CEP128: variants seen among roughly 807,000 people sequenced by gnomAD.
The protein encoded by CEP128 is centrosomal protein 128.
A neutral mutation model predicts 156.7 loss-of-function variants in CEP128; 132 were observed. The observed-to-expected ratio is 0.84, with a 90% CI of 0.73 to 0.97. The LOEUF is 0.97. Among genes scored for constraint, CEP128 ranks in the 50% least tolerant of loss-of-function variants. CEP128 has a pLI of 0.00. For synonymous variants in CEP128, 469 were observed against 448.9 expected (o/e 1.04, Z -0.57); for missense variants, 1,252 against 1,281.9 (o/e 0.98, Z 0.36).
chr14:80,727,120 T>C, intron 19 of CEP128, among the ~76,000 whole-genome samples: 1 of 152,132 alleles, frequency 6.6e-6, no homozygotes, highest in East Asian at 1.9e-4. Flanking sequence ...TTCTGATTGC[T>C]TTACACAGAG....
At chr14:80,612,504 G>T (rs1210879939) in intron 19 of CEP128, among the ~76,000 whole-genome samples, 1 of 152,136 alleles carries the variant, frequency 6.6e-6, no homozygotes, top group Non-Finnish European at 1.5e-5. Context: ...AAAGTGCCAT[G>T]AATTTTCCAT....
Position 80,710,255 on chromosome 14 carries a change from G to T in CEP128, c.2806+32820C>A, listed in dbSNP as rs926873970. On this transcript the variant is annotated intron_variant, in intron 19 of 24. Transcript: ENST00000555265. Reference sequence around the variant, plus strand: ...TTCACATCTCCCTCACTAGATATATGTTACTAGATAAGAGATCTTATTGAC... The same window carrying T: ...TTCACATCTCCCTCACTAGATATATTTTACTAGATAAGAGATCTTATTGAC... Among the ~76,000 whole-genome samples, 10 of 152,080 alleles carry T rather than the reference G, an allele frequency of 6.6e-5. No individual in the cohort carries two copies. In the East Asian group the frequency reaches 1.7e-3, roughly 26 times the overall value.
chr14:80,672,934 T>A (rs1401277409), intron 19 of CEP128, among the ~76,000 whole-genome samples: 1 of 152,224 alleles, frequency 6.6e-6, no homozygotes, highest in Admixed American at 6.5e-5. Flanking sequence ...TCCAATCTTT[T>A]TATAAAAATA....
chr14:80,700,284 C>T lies in CEP128; in HGVS notation c.2806+42791G>A, dbSNP rs372557361. On this transcript the variant is annotated intron_variant, in intron 19 of 24. Coordinates refer to ENST00000555265, the MANE Select transcript of CEP128 (RefSeq NM_152446.5). ...CCCTACTCTGTAATGAGTCCCATAT[C>T]TCCATATTTACTCACTCAGATGCAA... Among the ~76,000 whole-genome samples the T allele has an allele frequency of 2.3e-4, 35 of 152,160 alleles. 4 individuals carry two copies. Among genetic ancestry groups the T allele is most frequent in the Admixed American group, 9.2e-4 (14 of 15,288 alleles).
chr14:80,905,066 A>G, intron 5 of CEP128, 135 bp from the exon 6 acceptor site: 1 of 588,040 alleles, frequency 1.7e-6, no homozygotes. Context: ...TTTCCCAAGT[A>G]TCTTGCTATG....
chr14:80,693,037 T>C (rs1051507117), intron 19 of CEP128, among the ~76,000 whole-genome samples: 2 of 152,180 alleles, frequency 1.3e-5, no homozygotes, highest in East Asian at 1.9e-4. Context: ...TCTACATTTC[T>C]AAAAAGCTCT....
intron 2 of CEP128, among the ~76,000 whole-genome samples, chr14:80,933,828 G>A (rs1289859940): frequency 6.6e-6 from 1 of 152,174 alleles, no homozygotes; most frequent in East Asian, 1.9e-4. Context: ...GGAGTAAATA[G>A]GAGGTGAAAA....
intron 18 of CEP128, among the ~76,000 whole-genome samples, chr14:80,748,641 C>T (rs61979424): frequency 0.1 from 15,516 of 152,092 alleles, 1,335 homozygotes; most frequent in East Asian, 0.44. Context: ...ATGGTCAAGA[C>T]GTATAACCCA....
intron 19 of CEP128, among the ~76,000 whole-genome samples, chr14:80,707,735 T>C (rs1457441177): frequency 6.6e-6 from 1 of 152,190 alleles, no homozygotes; most frequent in African/African-American, 2.4e-5. Context: ...ACCTATATAA[T>C]TAATCATTTG....
chr14:80,674,354 T>C (rs1895979275), intron 19 of CEP128, among the ~76,000 whole-genome samples: 1 of 152,236 alleles, frequency 6.6e-6, no homozygotes, highest in Non-Finnish European at 1.5e-5. Context: ...ATTATAGAGA[T>C]TTTAGAGATC....
intron 19 of CEP128, among the ~76,000 whole-genome samples, chr14:80,690,232 C>T (rs1007862664): frequency 6.9e-5 from 10 of 144,858 alleles, no homozygotes; most frequent in Non-Finnish European, 1.0e-4. Context: ...CACGGAGAAA[C>T]CCTGTCTCTA....
chr14:80,944,822 C>CAAAAAAAAA (rs55662141), upstream of CEP128, among the ~76,000 whole-genome samples: 26 of 34,652 alleles, frequency 7.5e-4, no homozygotes, highest in Non-Finnish European at 1.0e-3. Flanking sequence ...GAGTCTGTCT[C>CAAAAAAAAA]AAAAAAAAAA....
intron 23 of CEP128, among the ~76,000 whole-genome samples, chr14:80,509,068 A>T (rs577698936): frequency 3.3e-5 from 5 of 152,230 alleles, no homozygotes; most frequent in African/African-American, 1.2e-4. Context: ...AAACCATCAG[A>T]TCTTGTGAGA....
chr14:80,684,466 C>T (rs1274007609), intron 19 of CEP128, among the ~76,000 whole-genome samples: 1 of 151,952 alleles, frequency 6.6e-6, no homozygotes, highest in African/African-American at 2.4e-5. Context: ...AATCTACCAA[C>T]CAAAATAGCC....
At chr14:80,632,204 C>A (rs1566823211) in intron 19 of CEP128, among the ~76,000 whole-genome samples, 1 of 151,894 alleles carries the variant, frequency 6.6e-6, no homozygotes, top group African/African-American at 2.4e-5. Context: ...TTTTAGTTTT[C>A]TATGTATGCA....
chr14:80,573,342 T>TG (rs1050616124), intron 20 of CEP128, among the ~76,000 whole-genome samples: 31 of 151,876 alleles, frequency 2.0e-4, no homozygotes, highest in Admixed American at 1.2e-3. Context: ...GATGTGTGTG[T>TG]TTTTAGAAGC....
At chr14:80,609,001 A>C (rs1210056956) in intron 19 of CEP128, among the ~76,000 whole-genome samples, 1 of 152,204 alleles carries the variant, frequency 6.6e-6, no homozygotes, top group Non-Finnish European at 1.5e-5. Flanking sequence ...AATGCATATT[A>C]AAAATGTATA....
intron 13 of CEP128, among the ~76,000 whole-genome samples, chr14:80,818,912 A>AG (rs1416794720): frequency 6.6e-6 from 1 of 152,208 alleles, no homozygotes; most frequent in Non-Finnish European, 1.5e-5. Context: ...CTGTCCTTGA[A>AG]GGACAGGAGC....
intron 21 of CEP128, among the ~76,000 whole-genome samples, chr14:80,558,091 TAACTGATCAC>T (rs1890512776): frequency 6.6e-6 from 1 of 152,214 alleles, no homozygotes; most frequent in Admixed American, 6.5e-5. Context: ...AATTCTTATG[TAACTGATCAC>T]TGTTGTGAGT....
Sources: gnomAD v4.1 joint callset for allele counts (sites outside exome capture counted in the v4.1 genomes callset) on GRCh38, gnomAD v4.1.1 for gene constraint, MANE v1.5 for transcripts, NCBI Gene and HGNC (gene_info 2026-07-23, HGNC 2026-07-21) for gene names.